Variants in PDE3A observed in about 807,000 individuals in gnomAD.
The protein encoded by PDE3A is phosphodiesterase 3A.
PDE3A carries 43 observed loss-of-function variants against 98.3 expected under a neutral mutation model. The observed-to-expected ratio is 0.44, with a 90% CI of 0.34 to 0.56. The LOEUF is 0.56. Ranked by LOEUF, PDE3A falls within the 20% of genes least tolerant of loss-of-function variation. The probability of loss-of-function intolerance (pLI) is 0.01; values close to 1 mark genes in which losing one functional copy is unlikely to be tolerated. For synonymous variants in PDE3A, 663 were observed against 567.9 expected, an observed-to-expected ratio of 1.17 and a Z score of -2.38; for missense variants, 1,427 against 1,440.7, an observed-to-expected ratio of 0.99 and a Z score of 0.15.
At position 20,609,397 on chromosome 12, in the gene PDE3A, A is replaced by T. The variant is rs572563311; in HGVS notation, c.1012-4046A>T. On this transcript the variant is annotated intron_variant, in intron 2 of 15. Transcript: ENST00000359062. ...GTACATTGAAAATTATAAAACACTG[A>T]TGAAAAGAATTGAACACAGAAATAT... Among the ~76,000 whole-genome samples the T allele has an allele frequency of 5.3e-5, 8 of 152,198 alleles. No individual in the cohort carries two copies. In the East Asian group the frequency reaches 1.3e-3, roughly 26 times the overall value.
At chr12:20,573,679 C>T (rs1371482890) in intron 2 of PDE3A, among the ~76,000 whole-genome samples, 1 of 151,986 alleles carries the variant, frequency 6.6e-6, no homozygotes, top group Non-Finnish European at 1.5e-5. Context: ...AAACACTTTA[C>T]CATATAAGGT....
At chr12:20,399,829 G>T (rs1242611382) in intron 1 of PDE3A, among the ~76,000 whole-genome samples, 1 of 152,146 alleles carries the variant, frequency 6.6e-6, no homozygotes, top group Non-Finnish European at 1.5e-5. Flanking sequence ...GTTAAGGATG[G>T]TGTAACCATA....
chr12:20,670,020 A>G (rs1292975148), intron 15 of PDE3A, among the ~76,000 whole-genome samples: 1 of 148,182 alleles, frequency 6.7e-6, no homozygotes, highest in East Asian at 2.0e-4. Flanking sequence ...AAGCAAATGG[A>G]AAACAAAAAA....
intron 1 of PDE3A, among the ~76,000 whole-genome samples, chr12:20,474,317 T>A (rs935818960): frequency 2.6e-5 from 4 of 152,196 alleles, no homozygotes; most frequent in African/African-American, 9.6e-5. Context: ...TTACATATTT[T>A]CGATATGTGT....
intron 2 of PDE3A, among the ~76,000 whole-genome samples, chr12:20,577,679 C>T (rs2067527): frequency 0.76 from 115,419 of 152,008 alleles, 43,871 homozygotes; most frequent in Middle Eastern, 0.84. Flanking sequence ...TCCAGTTTTG[C>T]TAATTTTAAA....
At chr12:20,537,473 A>G (rs1220954271) in intron 1 of PDE3A, among the ~76,000 whole-genome samples, 2 of 152,034 alleles carry the variant, frequency 1.3e-5, no homozygotes, top group African/African-American at 4.8e-5. Flanking sequence ...TTCATGATGC[A>G]TCTACTATTA....
At chr12:20,539,293 C>A (rs1040946692) in intron 1 of PDE3A, among the ~76,000 whole-genome samples, 1 of 152,024 alleles carries the variant, frequency 6.6e-6, no homozygotes, top group Non-Finnish European at 1.5e-5. Flanking sequence ...TAATTTTATA[C>A]ATTTTTTAAA....
At chr12:20,590,612 C>G (rs1187862423) in intron 2 of PDE3A, among the ~76,000 whole-genome samples, 2 of 150,348 alleles carry the variant, frequency 1.3e-5, no homozygotes, top group Non-Finnish European at 3.0e-5. Context: ...TCATCTTAAC[C>G]AGAAGAAAGG....
chr12:20,548,740 C>G (rs957246222), intron 1 of PDE3A, among the ~76,000 whole-genome samples: 2 of 152,100 alleles, frequency 1.3e-5, no homozygotes. Context: ...GTTTCTATTT[C>G]TTTTCCTCAT....
At position 20,688,368 on chromosome 12, in the gene PDE3A, A is replaced by C. The variant is rs1469139042; in HGVS notation, c.*8097A>C. Among the ~76,000 whole-genome samples the C allele has an allele frequency of 3.3e-5, 5 of 152,046 alleles. No individual in the cohort carries two copies. Among genetic ancestry groups the C allele is most frequent in the African/African-American group, 1.2e-4 (5 of 41,516 alleles). On this transcript the variant is annotated 3_prime_UTR_variant, in exon 16 of 16. Coordinates refer to ENST00000359062, the MANE Select transcript of PDE3A (RefSeq NM_000921.5). ...GTAGAATCTGTACAGAAAAAAAACT[A>C]GATCAATTGTATTTATTTTTATTAT...
chr12:20,375,540 C>A (rs1943555257), intron 1 of PDE3A, among the ~76,000 whole-genome samples: 1 of 151,844 alleles, frequency 6.6e-6, no homozygotes, highest in Non-Finnish European at 1.5e-5. Context: ...TTGACCATAC[C>A]TGTTCATTGT....
chr12:20,370,319 C>T (rs1356845053), intron 1 of PDE3A, 75 bp downstream of exon 1: 4 of 1,332,602 alleles, frequency 3.0e-6, no homozygotes, highest in African/African-American at 2.9e-5. Context: ...TGGAGAGAAT[C>T]CGAGCGCTGG....
intron 1 of PDE3A, among the ~76,000 whole-genome samples, chr12:20,374,120 A>C (rs536423592): frequency 2.6e-5 from 4 of 152,282 alleles, no homozygotes; most frequent in African/African-American, 9.6e-5. Flanking sequence ...TGACAGAATT[A>C]AAATTAATTA....
intron 1 of PDE3A, among the ~76,000 whole-genome samples, chr12:20,489,688 C>G (rs1591983452): frequency 6.6e-6 from 1 of 151,742 alleles, no homozygotes; most frequent in East Asian, 1.9e-4. Context: ...TTTGCCTCAC[C>G]TACAGACAAA....
chr12:20,369,097 CTCCAGGAGTTA>C lies in PDE3A; in HGVS notation c.-186_-176del. The C allele has an allele frequency of 1.8e-6, 1 of 553,796 alleles. No individual in the cohort carries two copies. Among genetic ancestry groups the C allele is most frequent in the South Asian group, 2.7e-5 (1 of 36,558 alleles). The allele number at this position is 553,796 out of a possible 1,614,324, so 34.3% of individuals were successfully genotyped here. On this transcript the variant is annotated 5_prime_UTR_variant, in exon 1 of 16. Transcript: ENST00000359062. ...AAGTCTCATTGGAGCATCTAGCATT[CTCCAGGAGTTA>C]TTCGAAAGCTGAAACTTTCAGTGGA...
chr12:20,386,560 C>G (rs1049039911), intron 1 of PDE3A, among the ~76,000 whole-genome samples: 1 of 151,522 alleles, frequency 6.6e-6, no homozygotes. Context: ...AGACTGGTCT[C>G]CGTCTCCTGA....
chr12:20,555,074 T>C (rs972549600), intron 1 of PDE3A, among the ~76,000 whole-genome samples: 9 of 151,952 alleles, frequency 5.9e-5, no homozygotes, highest in Non-Finnish European at 1.2e-4. Context: ...CAGGCTGGAG[T>C]GCAGTGGCGT....
intron 15 of PDE3A, among the ~76,000 whole-genome samples, chr12:20,673,538 A>C (rs1945547948): frequency 6.7e-6 from 1 of 148,882 alleles, no homozygotes; most frequent in African/African-American, 2.5e-5. Flanking sequence ...TGATGAGTTC[A>C]TGTCCTTTGT....
intron 1 of PDE3A, chr12:20,371,534 A>G (rs1591852597): frequency 2.4e-6 from 2 of 837,854 alleles, no homozygotes; most frequent in Non-Finnish European, 2.9e-6. Context: ...TCTAAGAAAT[A>G]GCAGTCACCA....
Sources: allele counts gnomAD v4.1 joint callset (sites outside exome capture counted in the v4.1 genomes callset), GRCh38; gene constraint gnomAD v4.1.1; transcripts MANE v1.5; gene names NCBI Gene and HGNC (gene_info 2026-07-23, HGNC 2026-07-21).